The following TCEA1 variants were observed in gnomAD, a reference collection of about 807,000 sequenced individuals.
TCEA1 encodes transcription elongation factor A protein 1.
Under a neutral mutation model 43.8 loss-of-function variants are expected in TCEA1, and 21 were observed. The observed-to-expected ratio is 0.48, with a 90% CI of 0.34 to 0.69. The LOEUF (loss-of-function observed/expected upper bound fraction) is 0.69. TCEA1 is among the 30% of genes least tolerant of loss of function. The pLI, the probability that TCEA1 is intolerant of heterozygous loss-of-function variation, is 0.01. For missense variants in TCEA1, 250 were observed against 365.1 expected (o/e 0.68, Z 2.57); for synonymous variants, 104 against 117.5 (o/e 0.88, Z 0.75).
At chr8:53,974,059 C>A (rs1027498298) in intron 8 of TCEA1, 1 of 156,692 alleles carries the variant, frequency 6.4e-6, no homozygotes, top group Admixed American at 6.5e-5. Context: ...CACCTGTAAT[C>A]CCAGCTACTC....
At chr8:54,002,678 T>A (rs1472789543) in intron 2 of TCEA1, among the ~76,000 whole-genome samples, 1 of 152,180 alleles carries the variant, frequency 6.6e-6, no homozygotes, top group African/African-American at 2.4e-5. Context: ...AAAATTGGTA[T>A]GCTAAGACTT....
At chr8:54,018,359 A>C (rs145299289) in intron 1 of TCEA1, among the ~76,000 whole-genome samples, 164 of 152,344 alleles carry the variant, frequency 1.1e-3, no homozygotes, top group African/African-American at 3.8e-3. Flanking sequence ...TCTATAATCT[A>C]AATGAATCCT....
At chr8:54,014,636 T>C (rs1001220790) in intron 1 of TCEA1, among the ~76,000 whole-genome samples, 4 of 152,172 alleles carry the variant, frequency 2.6e-5, no homozygotes, top group African/African-American at 9.7e-5. Context: ...TATCTGGTAA[T>C]AGAAAACAAG....
rs759675571 is a variant in TCEA1 at position 54,007,632 on chromosome 8, T to TA, written c.126+2797dup. 3.9e-5 allele frequency among the ~76,000 whole-genome samples: 6 copies of TA among 152,386 alleles called. No individual in the cohort carries two copies. The East Asian group carries it at 9.6e-4, about 24-fold the overall frequency. On this transcript the variant is annotated intron_variant, in intron 2 of 9. Transcript: ENST00000521604. ...AAATACTGGTAATACAACTGTGGTT[T>TA]AGTGTTTTCACAACTGAAAGAAATA... is the stretch of plus-strand genomic sequence containing the variant.
intron 1 of TCEA1, among the ~76,000 whole-genome samples, chr8:54,012,962 C>CAAAAAA (rs72062714): frequency 1.7e-4 from 13 of 76,912 alleles, no homozygotes; most frequent in Non-Finnish European, 2.0e-4. Context: ...ACGACGACGA[C>CAAAAAA]AAAAAAAAAA....
chr8:53,969,434 G>A (rs932945068), intron 9 of TCEA1, among the ~76,000 whole-genome samples: 2 of 151,994 alleles, frequency 1.3e-5, no homozygotes, highest in African/African-American at 2.4e-5. Context: ...TTCAGAAAGT[G>A]CTTTAAGCTA....
intron 8 of TCEA1, among the ~76,000 whole-genome samples, chr8:53,971,066 G>T (rs916155770): frequency 6.6e-6 from 1 of 152,098 alleles, no homozygotes; most frequent in Non-Finnish European, 1.5e-5. Flanking sequence ...ATCCAACAGG[G>T]AAGTAATGAC....
At chr8:53,982,898 C>T (rs983514038) in intron 7 of TCEA1, among the ~76,000 whole-genome samples, 1 of 152,206 alleles carries the variant, frequency 6.6e-6, no homozygotes, top group Non-Finnish European at 1.5e-5. Flanking sequence ...ACAGCACTGA[C>T]TCCAATTCTG....
chr8:53,984,667 A>C (rs1008969702), intron 6 of TCEA1, 150 bp from the exon 7 acceptor site: 8 of 551,724 alleles, frequency 1.5e-5, no homozygotes, highest in Non-Finnish European at 1.8e-5. Flanking sequence ...GTGGATCACG[A>C]GGTCAGGAGA....
chr8:53,998,986 T>TG (rs2129308197), intron 3 of TCEA1, among the ~76,000 whole-genome samples: 1 of 152,198 alleles, frequency 6.6e-6, no homozygotes, highest in East Asian at 1.9e-4. Context: ...CCCAGCACTT[T>TG]GGGAGGCCAA....
chr8:53,987,593 T>C (rs984686240), intron 5 of TCEA1, among the ~76,000 whole-genome samples: 1 of 152,180 alleles, frequency 6.6e-6, no homozygotes, highest in Admixed American at 6.5e-5. Context: ...TGAATTCGTA[T>C]AAAATAACAA....
chr8:53,970,386 C>A lies in TCEA1; in HGVS notation c.897+6G>T. On this transcript the variant is annotated splice_donor_region_variant and intron_variant, in intron 9 of 9. Transcript: ENST00000521604. ...GTATATAATATGAATCCAAGAGAGT[C>A]CATACCTTCCATCGATTTCCACATT... The A allele has an allele frequency of 6.3e-7, 1 of 1,588,234 alleles. No individual in the cohort carries two copies. The highest frequency in any genetic ancestry group is 8.6e-7 in the Non-Finnish European group (1 of 1,157,848).
intron 4 of TCEA1, among the ~76,000 whole-genome samples, chr8:53,991,263 T>G (rs980705430): frequency 1.3e-5 from 2 of 151,396 alleles, no homozygotes; most frequent in African/African-American, 4.9e-5. Context: ...TGTGTTGACG[T>G]GCACCTCTAA....
intron 3 of TCEA1, among the ~76,000 whole-genome samples, chr8:53,996,844 AAAGG>A (rs914319224): frequency 5.1e-5 from 7 of 136,706 alleles, no homozygotes; most frequent in Admixed American, 4.9e-4. Flanking sequence ...ATTATACAGA[AAAGG>A]AACCTGCGAG....
At position 53,978,259 on chromosome 8, in the gene TCEA1, T is replaced by A. The variant is rs76646345; in HGVS notation, c.825+766A>T. ...GCAAAAAAATAATAATAATTTTTTT[T>A]AAAAAAAATCATTCTTACACTTAAG... On this transcript the variant is annotated intron_variant, in intron 8 of 9. Coordinates refer to ENST00000521604, the MANE Select transcript of TCEA1 (RefSeq NM_006756.4). 2.0e-3 allele frequency among the ~76,000 whole-genome samples: 305 copies of A among 152,094 alleles called. 1 individual carries two copies. Among genetic ancestry groups the A allele is most frequent in the South Asian group, 4.4e-3 (21 of 4,822 alleles).
chr8:53,996,652 A>T (rs1351851225), intron 3 of TCEA1, among the ~76,000 whole-genome samples: 2 of 152,174 alleles, frequency 1.3e-5, no homozygotes, highest in African/African-American at 2.4e-5. Flanking sequence ...GATCAACTAA[A>T]ATATGGTATA....
intron 7 of TCEA1, 35 bp downstream of exon 7, chr8:53,984,328 C>T (rs546956181): frequency 6.4e-7 from 1 of 1,552,658 alleles, no homozygotes; most frequent in African/African-American, 1.4e-5. Context: ...AACACAGAAT[C>T]ACATTATAGA....
At chr8:53,973,687 A>G in intron 8 of TCEA1, 3 of 558,090 alleles carry the variant, frequency 5.4e-6, no homozygotes, top group Non-Finnish European at 1.0e-5. Flanking sequence ...CAGCTCATGA[A>G]AAAAAAGAAA....
At chr8:54,000,117 C>A in intron 2 of TCEA1, 67 bp from the exon 3 acceptor site, 1 of 959,426 alleles carries the variant, frequency 1.0e-6, no homozygotes, top group South Asian at 1.9e-5. Flanking sequence ...ATTTCACCTA[C>A]ATTCTTTTCT....
Sources: allele counts gnomAD v4.1 joint callset (sites outside exome capture counted in the v4.1 genomes callset), GRCh38; gene constraint gnomAD v4.1.1; transcripts MANE v1.5; gene names NCBI Gene and HGNC (gene_info 2026-07-23, HGNC 2026-07-21).